Variants in PDE4B observed in about 807,000 individuals in gnomAD.
PDE4B encodes the protein phosphodiesterase 4B, also known as 3',5'-cyclic-AMP phosphodiesterase 4B.
PDE4B carries 20 observed loss-of-function variants against 82.2 expected under a neutral mutation model. The ratio of observed to expected loss-of-function variants is 0.24; its 90% CI spans 0.17 to 0.35. The LOEUF (loss-of-function observed/expected upper bound fraction) is 0.35. Ranked by LOEUF, PDE4B falls within the 10% of genes least tolerant of loss-of-function variation. The pLI is 1.00. For synonymous variants in PDE4B, 320 were observed against 318.9 expected (o/e 1.00, Z -0.04); for missense variants, 655 against 907.2 (o/e 0.72, Z 3.57).
At chr1:65,817,599 C>T (rs1645901725) in intron 1 of PDE4B, among the ~76,000 whole-genome samples, 1 of 152,062 alleles carries the variant, frequency 6.6e-6, no homozygotes, top group Non-Finnish European at 1.5e-5. Context: ...GACTCTATAT[C>T]TAAATTCGTT....
At chr1:65,975,642 C>T (rs1448141591) in intron 3 of PDE4B, among the ~76,000 whole-genome samples, 13 of 152,166 alleles carry the variant, frequency 8.5e-5, no homozygotes, top group Admixed American at 8.5e-4. Context: ...GTTTTGTGGA[C>T]CTGGCCCAGG....
chr1:66,322,740 T>TG (rs1370875751), intron 7 of PDE4B, among the ~76,000 whole-genome samples: 1 of 151,800 alleles, frequency 6.6e-6, no homozygotes, highest in Admixed American at 6.6e-5. Flanking sequence ...ACAGGAATTT[T>TG]GGGGGGACAC....
At chr1:65,937,253 C>T (rs570225505) in intron 3 of PDE4B, among the ~76,000 whole-genome samples, 39 of 152,286 alleles carry the variant, frequency 2.6e-4, no homozygotes, top group Admixed American at 1.0e-3. Flanking sequence ...TCAACGTTCA[C>T]CTCCACTGGG....
chr1:66,361,237 A>G (rs1175225645), intron 9 of PDE4B, among the ~76,000 whole-genome samples: 1 of 152,194 alleles, frequency 6.6e-6, no homozygotes, highest in Non-Finnish European at 1.5e-5. Context: ...AAATCTACAT[A>G]TAAGTATTAG....
At position 66,291,129 on chromosome 1, in the gene PDE4B, T is replaced by A. The variant is rs1406886; in HGVS notation, c.634+25042T>A. Among the ~76,000 whole-genome samples the A allele has an allele frequency of 2.4e-4, 36 of 152,254 alleles. No homozygotes were observed. The East Asian group carries it at 5.4e-3, about 23-fold the overall frequency. On this transcript the variant is annotated intron_variant, in intron 7 of 16. Transcript: ENST00000341517. The stretch of plus-strand genomic sequence containing the variant: ...GACAACAAATAGCAATAGCTAACAT[T>A]TACTGAGCATGTCTTTTATATCAGG...
intron 3 of PDE4B, among the ~76,000 whole-genome samples, chr1:66,050,032 CA>C (rs1331907660): frequency 6.6e-6 from 1 of 151,932 alleles, no homozygotes; most frequent in Non-Finnish European, 1.5e-5. Context: ...ACATAGGCAA[CA>C]AAAAGTCCCT....
chr1:65,928,756 C>T (rs1192490386), intron 3 of PDE4B, among the ~76,000 whole-genome samples: 1 of 152,190 alleles, frequency 6.6e-6, no homozygotes, highest in East Asian at 1.9e-4. Flanking sequence ...CCCTAAGCCT[C>T]TGGATCCCTT....
intron 3 of PDE4B, among the ~76,000 whole-genome samples, chr1:66,101,816 T>G (rs1645231155): frequency 6.6e-6 from 1 of 152,204 alleles, no homozygotes; most frequent in Non-Finnish European, 1.5e-5. Flanking sequence ...TCTTTTGCTG[T>G]GCAGAAGCTC....
intron 3 of PDE4B, among the ~76,000 whole-genome samples, chr1:65,962,844 C>T (rs2100601468): frequency 6.6e-6 from 1 of 152,200 alleles, no homozygotes; most frequent in East Asian, 1.9e-4. Context: ...TCCAAAATGG[C>T]ACTCTTTTGA....
At chr1:65,989,569 A>C (rs200981023) in intron 3 of PDE4B, among the ~76,000 whole-genome samples, 1 of 152,330 alleles carries the variant, frequency 6.6e-6, no homozygotes, top group East Asian at 1.9e-4. Context: ...GGATTTCTCA[A>C]ATAATTCTCA....
intron 3 of PDE4B, among the ~76,000 whole-genome samples, chr1:65,962,368 A>G (rs1223836612): frequency 1.3e-5 from 2 of 152,106 alleles, no homozygotes; most frequent in African/African-American, 4.8e-5. Flanking sequence ...ACTGTAACAT[A>G]AGACACCTCC....
intron 3 of PDE4B, among the ~76,000 whole-genome samples, chr1:65,958,762 G>GCA (rs200417629): frequency 2.7e-4 from 40 of 148,040 alleles, no homozygotes; most frequent in East Asian, 5.9e-4. Flanking sequence ...GCGCGCGCGC[G>GCA]CGCACACACA....
intron 1 of PDE4B, among the ~76,000 whole-genome samples, chr1:65,851,824 G>A (rs927177047): frequency 6.6e-6 from 1 of 151,888 alleles, no homozygotes; most frequent in Non-Finnish European, 1.5e-5. Flanking sequence ...TGAGATTGGA[G>A]TTCTTGTTTT....
In PDE4B at chr1:66,100,458, A is replaced by C. The variant is rs181063154; in HGVS notation, c.282-147002A>C. Among the ~76,000 whole-genome samples, 9 of 152,282 alleles carry C rather than the reference A, an allele frequency of 5.9e-5. No homozygotes were observed. The East Asian group carries it at 1.4e-3, about 23-fold the overall frequency. On this transcript the variant is annotated intron_variant, in intron 3 of 16. Transcript: ENST00000341517. ...AAACAGTATCCATGAGTCTTAGAAC[A>C]ATGACTAGTACATGTAAATGCTTAA...
At chr1:66,330,165 CCTAA>C (rs1388310671) in intron 7 of PDE4B, among the ~76,000 whole-genome samples, 2 of 152,204 alleles carry the variant, frequency 1.3e-5, no homozygotes, top group Non-Finnish European at 2.9e-5. Flanking sequence ...GATACTCTAG[CCTAA>C]CTAACATTGC....
chr1:65,963,566 T>C (rs1183284807), intron 3 of PDE4B, among the ~76,000 whole-genome samples: 3 of 152,176 alleles, frequency 2.0e-5, no homozygotes, highest in African/African-American at 7.2e-5. Flanking sequence ...TTCTGACATT[T>C]TTACCTAGAT....
chr1:66,156,458 A>AT (rs1331171961), intron 3 of PDE4B, among the ~76,000 whole-genome samples: 4 of 152,300 alleles, frequency 2.6e-5, no homozygotes, highest in Admixed American at 2.0e-4. Context: ...CTTGTTGAGC[A>AT]TTTTTTAATT....
At chr1:66,192,644 T>C (rs891549174) in intron 3 of PDE4B, among the ~76,000 whole-genome samples, 1 of 152,202 alleles carries the variant, frequency 6.6e-6, no homozygotes, top group Non-Finnish European at 1.5e-5. Flanking sequence ...GTGAATATTC[T>C]TTTGACAATG....
chr1:66,125,431 G>A (rs1033386490), intron 3 of PDE4B, among the ~76,000 whole-genome samples: 3 of 152,076 alleles, frequency 2.0e-5, no homozygotes, highest in South Asian at 2.1e-4. Context: ...CAAAGTGCTG[G>A]GATTACAGGC....
Sources: gnomAD v4.1 joint callset for allele counts (sites outside exome capture counted in the v4.1 genomes callset) on GRCh38, gnomAD v4.1.1 for gene constraint, MANE v1.5 for transcripts, NCBI Gene and HGNC (gene_info 2026-07-23, HGNC 2026-07-21) for gene names.